Variants in ROBO2 observed in about 807,000 individuals in gnomAD.
ROBO2 encodes the protein roundabout guidance receptor 2.
Under a neutral mutation model 160.8 loss-of-function variants are expected in ROBO2, and 53 were observed. That is an observed-to-expected ratio of 0.33 (90% CI 0.26 to 0.41). The LOEUF (loss-of-function observed/expected upper bound fraction) is 0.41, where lower values mean the gene tolerates loss of function less well. Ranked by LOEUF, ROBO2 falls within the 10% of genes least tolerant of loss-of-function variation. The pLI, the probability that ROBO2 is intolerant of heterozygous loss-of-function variation, is 1.00. For synonymous variants in ROBO2, 664 were observed against 611.7 expected (o/e 1.09, Z -1.26); for missense variants, 1,577 against 1,722.4 (o/e 0.92, Z 1.49).
chr3:76,515,574 GCT>G (rs2081310885), intron 2 of ROBO2, among the ~76,000 whole-genome samples: 1 of 151,132 alleles, frequency 6.6e-6, no homozygotes, highest in African/African-American at 2.4e-5. Flanking sequence ...CATTGCTTTT[GCT>G]CTCTATTGTG....
intron 2 of ROBO2, among the ~76,000 whole-genome samples, chr3:76,982,224 T>C (rs2060134452): frequency 6.6e-6 from 1 of 152,184 alleles, no homozygotes; most frequent in South Asian, 2.1e-4. Flanking sequence ...CATTTCAGCC[T>C]TTGAACTATT....
intron 2 of ROBO2, among the ~76,000 whole-genome samples, chr3:76,412,708 C>T (rs778285032): frequency 1.3e-5 from 2 of 152,214 alleles, no homozygotes; most frequent in African/African-American, 2.4e-5. Context: ...TGGTCTTGCA[C>T]AGCTACACCC....
In ROBO2 at chr3:77,009,936, ACT is replaced by A. The variant is rs1216346150; in HGVS notation, c.110-88075_110-88074del. On this transcript the variant is annotated intron_variant, in intron 2 of 26. Coordinates refer to the ROBO2 transcript ENST00000487694. Reference sequence around the variant, plus strand: ...ACTCCAGCCTGAGTGACAGAGTGAGACTCTGTCTTAAAAAAAAAAAAAAAAAA... The same window carrying A: ...ACTCCAGCCTGAGTGACAGAGTGAGACTGTCTTAAAAAAAAAAAAAAAAAA... 5.5e-5 allele frequency among the ~76,000 whole-genome samples: 6 copies of A among 109,138 alleles called. No individual in the cohort carries two copies. The South Asian group carries it at 1.0e-3, about 19-fold the overall frequency. The allele number at this position is 109,138 out of a possible 152,430, so 71.6% of individuals were successfully genotyped here.
chr3:77,105,769 C>T (rs138012284), intron 2 of ROBO2, among the ~76,000 whole-genome samples: 5 of 152,206 alleles, frequency 3.3e-5, no homozygotes, highest in African/African-American at 9.6e-5. Flanking sequence ...ACTCTGACTC[C>T]CAGGAAAGCA....
At chr3:77,485,447 T>C (rs1468679794) in intron 4 of ROBO2, among the ~76,000 whole-genome samples, 1 of 152,072 alleles carries the variant, frequency 6.6e-6, no homozygotes, top group Non-Finnish European at 1.5e-5. Flanking sequence ...TTCTTTTTCT[T>C]TTCTTCCCAA....
chr3:77,313,220 T>C (rs2063697339), intron 2 of ROBO2, among the ~76,000 whole-genome samples: 1 of 152,182 alleles, frequency 6.6e-6, no homozygotes, highest in South Asian at 2.1e-4. Context: ...AAAAGTTCAG[T>C]GGTTTTTCCA....
At chr3:77,291,253 T>C (rs1258149864) in intron 2 of ROBO2, among the ~76,000 whole-genome samples, 3 of 151,854 alleles carry the variant, frequency 2.0e-5, no homozygotes, top group Non-Finnish European at 4.4e-5. Context: ...AATTGACGGT[T>C]AAACGGGTAA....
At chr3:76,111,510 G>A (rs577550439) in intron 2 of ROBO2, among the ~76,000 whole-genome samples, 1 of 152,004 alleles carries the variant, frequency 6.6e-6, no homozygotes, top group Non-Finnish European at 1.5e-5. Context: ...CACACTCCTG[G>A]AGACTCTTGT....
chr3:77,481,649 A>C (rs1268414248), intron 4 of ROBO2, among the ~76,000 whole-genome samples: 1 of 152,180 alleles, frequency 6.6e-6, no homozygotes, highest in Admixed American at 6.5e-5. Flanking sequence ...AAACTGAAGT[A>C]TTTATAATTT....
At chr3:76,769,899 C>T (rs1260035038) in intron 2 of ROBO2, among the ~76,000 whole-genome samples, 2 of 151,414 alleles carry the variant, frequency 1.3e-5, no homozygotes, top group Non-Finnish European at 3.0e-5. Flanking sequence ...TGTCTTGATA[C>T]CTGTCATTGT....
chr3:77,551,038 T>A (rs997404887), intron 8 of ROBO2, 49 bp downstream of exon 9: 1 of 1,581,506 alleles, frequency 6.3e-7, no homozygotes, highest in African/African-American at 1.3e-5. Context: ...GATTTTTATT[T>A]CTAGATACAC....
intron 2 of ROBO2, among the ~76,000 whole-genome samples, chr3:76,831,520 C>G (rs955908205): frequency 1.3e-5 from 2 of 152,038 alleles, no homozygotes; most frequent in Non-Finnish European, 2.9e-5. Context: ...AAATATGAGG[C>G]CATGTTTTTC....
At chr3:76,951,239 A>G (rs2078936310) in intron 2 of ROBO2, among the ~76,000 whole-genome samples, 1 of 152,196 alleles carries the variant, frequency 6.6e-6, no homozygotes, top group Non-Finnish European at 1.5e-5. Context: ...ATTATTTAAG[A>G]ACTAATGTTT....
chr3:77,580,072 C>T, exon 16 of ROBO2: 1 of 1,613,774 alleles, frequency 6.2e-7, no homozygotes, highest in South Asian at 1.1e-5. Flanking sequence ...CAGCTAGTAC[C>T]AGTGCAGGGG....
intron 2 of ROBO2, among the ~76,000 whole-genome samples, chr3:77,474,569 G>A (rs905886059): frequency 6.6e-6 from 1 of 151,726 alleles, no homozygotes; most frequent in Admixed American, 6.6e-5. Flanking sequence ...CACACACTGT[G>A]GTATGTGCTC....
chr3:77,612,882 G>A (rs957230267), intron 21 of ROBO2, among the ~76,000 whole-genome samples: 3 of 152,142 alleles, frequency 2.0e-5, no homozygotes, highest in Non-Finnish European at 4.4e-5. Flanking sequence ...GAACTTGGGA[G>A]GTGGAGCTTG....
At chr3:76,707,747 A>G (rs899927997) in intron 2 of ROBO2, among the ~76,000 whole-genome samples, 11 of 148,240 alleles carry the variant, frequency 7.4e-5, no homozygotes, top group African/African-American at 1.5e-4. Flanking sequence ...ATATATATAT[A>G]TATATATATA....
At chr3:76,251,996 T>C (rs546905565) in intron 2 of ROBO2, among the ~76,000 whole-genome samples, 2 of 151,998 alleles carry the variant, frequency 1.3e-5, no homozygotes, top group South Asian at 4.2e-4. Context: ...GAGAAGCAAG[T>C]TACAGGTTTT....
intron 2 of ROBO2, among the ~76,000 whole-genome samples, chr3:76,138,629 AAG>A (rs2071517390): frequency 6.6e-6 from 1 of 152,022 alleles, no homozygotes; most frequent in Non-Finnish European, 1.5e-5. Context: ...GAGAATAATT[AAG>A]ACATGGGACA....
Sources: allele counts gnomAD v4.1 joint callset (sites outside exome capture counted in the v4.1 genomes callset), GRCh38; gene constraint gnomAD v4.1.1; transcripts MANE v1.5; gene names NCBI Gene and HGNC (gene_info 2026-07-23, HGNC 2026-07-21).